The following CDK6 variants were observed in gnomAD, a reference collection of about 807,000 sequenced individuals.
The protein encoded by CDK6 is cyclin-dependent kinase 6.
CDK6 carries 6 observed loss-of-function variants against 37.1 expected under a neutral mutation model. That is an observed-to-expected ratio of 0.16 (90% confidence interval 0.09 to 0.32). The LOEUF is 0.32. CDK6 is among the 10% of genes least tolerant of loss of function. The pLI is 1.00. For synonymous variants in CDK6, 160 were observed against 161.3 expected, an observed-to-expected ratio of 0.99 and a Z score of 0.06; for missense variants, 224 against 418.9, an observed-to-expected ratio of 0.53 and a Z score of 4.06.
rs1278742665 is a variant in CDK6 at position 92,835,642 on chromosome 7, A to G, written c.-368+836T>C. ...TCTCTGCTCTCTGTCTTCACACTCA[A>G]TGAAATCCTTCATGCGCCTCTCCCG... On this transcript the variant is annotated intron_variant, in intron 1 of 7. Coordinates refer to ENST00000424848, the MANE Select transcript of CDK6 (RefSeq NM_001145306.2). This position sits in a 1 kb window ranked among gnomAD's most constrained non-coding sequence, Gnocchi z 4.2. 2.0e-5 allele frequency among the ~76,000 whole-genome samples: 3 copies of G among 152,054 alleles called. No individual in the cohort carries two copies. Among genetic ancestry groups the G allele is most frequent in the East Asian group, 1.9e-4 (1 of 5,168 alleles).
chr7:92,729,603 C>T (rs1435479265), intron 3 of CDK6, among the ~76,000 whole-genome samples: 1 of 152,178 alleles, frequency 6.6e-6, no homozygotes, highest in Non-Finnish European at 1.5e-5. Context: ...TTTCTGAATA[C>T]AAGAAATCCT....
At chr7:92,721,036 T>C (rs988472584) in intron 4 of CDK6, among the ~76,000 whole-genome samples, 4 of 152,182 alleles carry the variant, frequency 2.6e-5, no homozygotes, top group Non-Finnish European at 4.4e-5. Context: ...GTCAGAGAAG[T>C]TAATTTTTCA....
chr7:92,653,303 A>C (rs1191789861), intron 5 of CDK6, among the ~76,000 whole-genome samples: 1 of 152,164 alleles, frequency 6.6e-6, no homozygotes, highest in Non-Finnish European at 1.5e-5. Context: ...GTTCCACTGC[A>C]GGCCCACATC....
chr7:92,733,545 T>C (rs567950693), intron 3 of CDK6, among the ~76,000 whole-genome samples: 7 of 152,346 alleles, frequency 4.6e-5, no homozygotes, highest in South Asian at 2.1e-4. Flanking sequence ...CTGAACTCAT[T>C]TGCATGTAGA....
chr7:92,618,298 G>A (rs2116485627), intron 6 of CDK6, 91 bp from the exon 7 acceptor site: 1 of 1,309,722 alleles, frequency 7.6e-7, no homozygotes, highest in Non-Finnish European at 1.1e-6. Flanking sequence ...AATCTAAGGG[G>A]GAGACATGGG....
chr7:92,758,448 T>C (rs1372226853), intron 3 of CDK6, among the ~76,000 whole-genome samples: 1 of 152,190 alleles, frequency 6.6e-6, no homozygotes, highest in Non-Finnish European at 1.5e-5. Flanking sequence ...GTCATATGTG[T>C]GTGGCCTCAT....
At chr7:92,752,382 A>G (rs147341073) in intron 3 of CDK6, among the ~76,000 whole-genome samples, 3,100 of 152,348 alleles carry the variant, frequency 0.02, 39 homozygotes, top group Middle Eastern at 0.095. Context: ...TTGTGTCTAC[A>G]TGAGACAGAA....
chr7:92,729,870 G>T (rs1229217081), intron 3 of CDK6, among the ~76,000 whole-genome samples: 1 of 152,108 alleles, frequency 6.6e-6, no homozygotes, highest in East Asian at 1.9e-4. Context: ...CTCCTGAGTA[G>T]CTGGGACTAC....
chr7:92,660,168 T>C, intron 5 of CDK6, among the ~76,000 whole-genome samples: 1 of 152,240 alleles, frequency 6.6e-6, no homozygotes, highest in Non-Finnish European at 1.5e-5. Context: ...AACACCGTGC[T>C]CTGCATGACA....
At chr7:92,632,152 T>G (rs1796067515) in intron 5 of CDK6, among the ~76,000 whole-genome samples, 1 of 152,094 alleles carries the variant, frequency 6.6e-6, no homozygotes, top group African/African-American at 2.4e-5. Flanking sequence ...ACCTCTATGC[T>G]CACACACCTT....
rs76603334 is a variant in CDK6, at chr7:92,669,662, A to G, written c.647+1764T>C. The stretch of plus-strand genomic sequence containing the variant: ...GTTCTAACCATAAGCCTTTAACCCA[A>G]TGTCTTCTACACTTGTTGGATGAAA... On this transcript the variant is annotated intron_variant, in intron 5 of 7. Transcript: ENST00000424848. Among the ~76,000 whole-genome samples the G allele has an allele frequency of 1.1e-3, 171 of 152,322 alleles. 4 individuals are homozygous for G. In the East Asian group the frequency reaches 0.021, roughly 19 times the overall value.
At chr7:92,776,831 T>G (rs190180488) in intron 2 of CDK6, among the ~76,000 whole-genome samples, 185 of 152,344 alleles carry the variant, frequency 1.2e-3, no homozygotes, top group African/African-American at 4.3e-3. Context: ...ATGGATAGAT[T>G]GCAAAAATTT....
intron 2 of CDK6, among the ~76,000 whole-genome samples, chr7:92,776,374 G>A (rs897379578): frequency 6.6e-6 from 1 of 152,132 alleles, no homozygotes; most frequent in African/African-American, 2.4e-5. Flanking sequence ...AAACATATGT[G>A]TGCATGTGTC....
At chr7:92,805,726 G>A (rs111295681) in intron 2 of CDK6, among the ~76,000 whole-genome samples, 1 of 152,218 alleles carries the variant, frequency 6.6e-6, no homozygotes, top group African/African-American at 2.4e-5. Flanking sequence ...CAGAACCCCT[G>A]TTCCAGGAGA....
chr7:92,763,497 G>C (rs1170648369), intron 3 of CDK6, among the ~76,000 whole-genome samples: 1 of 152,176 alleles, frequency 6.6e-6, no homozygotes, highest in East Asian at 1.9e-4. Context: ...AGATTTTTGT[G>C]TGGCTTAAAA....
intron 5 of CDK6, among the ~76,000 whole-genome samples, chr7:92,643,365 C>T (rs1472177725): frequency 1.3e-5 from 2 of 152,210 alleles, no homozygotes; most frequent in Non-Finnish European, 2.9e-5. Context: ...TTCAGCAGCT[C>T]ATTCACTCAT....
chr7:92,639,689 C>T (rs919985398), intron 5 of CDK6, among the ~76,000 whole-genome samples: 7 of 152,176 alleles, frequency 4.6e-5, no homozygotes, highest in Non-Finnish European at 8.8e-5. Flanking sequence ...GTGACAGTTT[C>T]TGGTTTCTTT....
At chr7:92,782,485 G>A (rs1241533585) in intron 2 of CDK6, among the ~76,000 whole-genome samples, 2 of 152,200 alleles carry the variant, frequency 1.3e-5, no homozygotes, top group Admixed American at 6.5e-5. Flanking sequence ...TGATTCAGAG[G>A]TGGACAGGAG....
intron 5 of CDK6, among the ~76,000 whole-genome samples, chr7:92,663,930 GA>G (rs1004454208): frequency 6.6e-6 from 1 of 151,954 alleles, no homozygotes; most frequent in Admixed American, 6.5e-5. Flanking sequence ...GAGGCGGGCG[GA>G]TCAGGAGGTC....
Sources: gnomAD v4.1 joint callset for allele counts (sites outside exome capture counted in the v4.1 genomes callset) on GRCh38, gnomAD v4.1.1 for gene constraint, Gnocchi (gnomAD v3.1) non-coding constraint, MANE v1.5 for transcripts, NCBI Gene and HGNC (gene_info 2026-07-23, HGNC 2026-07-21) for gene names.